Variants in CHCHD3 observed in about 807,000 individuals in gnomAD.
The protein encoded by CHCHD3 is coiled-coil-helix-coiled-coil-helix domain containing 3, also known as MICOS complex subunit MIC19.
A neutral mutation model predicts 38.2 loss-of-function variants in CHCHD3; 20 were observed. The ratio of observed to expected loss-of-function variants is 0.52; its 90% CI spans 0.37 to 0.76. The LOEUF is 0.76. Ranked by LOEUF, CHCHD3 falls within the 30% of genes least tolerant of loss-of-function variation. The pLI is 0.00. For synonymous variants in CHCHD3, 82 were observed against 100.0 expected (o/e 0.82, Z 1.07); for missense variants, 245 against 279.2 (o/e 0.88, Z 0.87).
chr7:132,911,281 G>A (rs1447135336), intron 4 of CHCHD3, among the ~76,000 whole-genome samples: 1 of 152,162 alleles, frequency 6.6e-6, no homozygotes, highest in Non-Finnish European at 1.5e-5. Flanking sequence ...GCCATGAGAT[G>A]ACTGGCCACC....
At chr7:132,894,077 T>C (rs1403988621) in intron 4 of CHCHD3, among the ~76,000 whole-genome samples, 1 of 152,170 alleles carries the variant, frequency 6.6e-6, no homozygotes, top group East Asian at 1.9e-4. Context: ...GTACACAAAT[T>C]TTGAATAGAA....
intron 6 of CHCHD3, among the ~76,000 whole-genome samples, chr7:132,803,417 T>G (rs1034585926): frequency 6.6e-6 from 1 of 152,062 alleles, no homozygotes; most frequent in Non-Finnish European, 1.5e-5. Context: ...GTAAAACAAC[T>G]GTTTAATTAC....
intron 4 of CHCHD3, among the ~76,000 whole-genome samples, chr7:132,906,718 TA>T (rs1009180561): frequency 1.7e-4 from 26 of 151,862 alleles, no homozygotes; most frequent in South Asian, 4.2e-4. Context: ...GGAATATTTG[TA>T]AAAAAAAGAC....
chr7:132,967,593 C>A (rs1208156258), intron 4 of CHCHD3, among the ~76,000 whole-genome samples: 1 of 151,282 alleles, frequency 6.6e-6, no homozygotes, highest in African/African-American at 2.4e-5. Context: ...GAGTTTGAGA[C>A]CAGCCTGGGC....
At chr7:132,872,601 C>A (rs1808793356) in intron 5 of CHCHD3, among the ~76,000 whole-genome samples, 1 of 152,226 alleles carries the variant, frequency 6.6e-6, no homozygotes. Context: ...TATAGCCGTA[C>A]TAATTAACTG....
At chr7:132,797,536 G>C (rs997493277) in intron 6 of CHCHD3, among the ~76,000 whole-genome samples, 8 of 152,106 alleles carry the variant, frequency 5.3e-5, no homozygotes, top group African/African-American at 1.9e-4. Flanking sequence ...AAATTCCAAG[G>C]ACTGTGACTT....
At chr7:132,934,302 C>A (rs1430412865) in intron 4 of CHCHD3, among the ~76,000 whole-genome samples, 1 of 152,190 alleles carries the variant, frequency 6.6e-6, no homozygotes, top group Non-Finnish European at 1.5e-5. Context: ...AACATCCTCT[C>A]ACTGAGTTAC....
intron 1 of CHCHD3, among the ~76,000 whole-genome samples, chr7:133,072,674 C>T (rs1240504837): frequency 6.6e-6 from 1 of 151,962 alleles, no homozygotes; most frequent in Admixed American, 6.6e-5. Context: ...CCCATCTCTA[C>T]TAAAAATACA....
chr7:133,034,806 G>A (rs11545773), intron 2 of CHCHD3: 3 of 1,612,338 alleles, frequency 1.9e-6, no homozygotes, highest in East Asian at 4.5e-5. Context: ...CCAGACTCCA[G>A]AAATGGAGCT....
At chr7:132,996,461 TGAA>T (rs1812419068) in intron 3 of CHCHD3, among the ~76,000 whole-genome samples, 1 of 152,192 alleles carries the variant, frequency 6.6e-6, no homozygotes, top group African/African-American at 2.4e-5. Flanking sequence ...TTACATTCCG[TGAA>T]GAAGCATAAA....
chr7:132,969,630 T>C (rs1417405266), intron 4 of CHCHD3, among the ~76,000 whole-genome samples: 4 of 152,210 alleles, frequency 2.6e-5, no homozygotes, highest in African/African-American at 9.6e-5. Flanking sequence ...GCTAAAATCC[T>C]AGTAATACTA....
At chr7:132,806,403 C>A (rs12113528) in intron 6 of CHCHD3, among the ~76,000 whole-genome samples, 152,321 of 152,324 alleles carry the variant, frequency 1, 76,159 homozygotes, top group Non-Finnish European at 1. Flanking sequence ...GGGACAAGAC[C>A]AAGAGACTGA....
chr7:133,081,778 G>C (rs973148041), intron 1 of CHCHD3, 79 bp downstream of exon 1: 12 of 1,434,096 alleles, frequency 8.4e-6, no homozygotes, highest in Non-Finnish European at 1.2e-5. Context: ...GAGAAACCCA[G>C]GCTGAGCGGG....
At chr7:132,830,128 G>A (rs1221651655) in intron 6 of CHCHD3, among the ~76,000 whole-genome samples, 1 of 152,204 alleles carries the variant, frequency 6.6e-6, no homozygotes, top group African/African-American at 2.4e-5. Flanking sequence ...CTGATTTGAA[G>A]GGCTCCAATT....
chr7:133,070,069 CT>C (rs1814774729), intron 2 of CHCHD3, 72 bp downstream of exon 2: 1 of 1,074,870 alleles, frequency 9.3e-7, no homozygotes, highest in Non-Finnish European at 1.4e-6. Flanking sequence ...TGCTAGAGAA[CT>C]TGACTATTGA....
intron 5 of CHCHD3, among the ~76,000 whole-genome samples, chr7:132,852,314 C>T (rs943220759): frequency 1.3e-5 from 2 of 152,134 alleles, no homozygotes; most frequent in African/African-American, 4.8e-5. Flanking sequence ...GGCTATTGGA[C>T]AGAGAGCTCC....
intron 6 of CHCHD3, among the ~76,000 whole-genome samples, chr7:132,834,650 T>C (rs1389957217): frequency 2.6e-5 from 4 of 152,142 alleles, no homozygotes; most frequent in Admixed American, 2.0e-4. Context: ...TATAGGGCAA[T>C]GATACAGAAA....
Position 133,067,410 on chromosome 7 carries a change from T to C in CHCHD3, c.169+2732A>G, listed in dbSNP as rs1814700469. 1.3e-5 allele frequency among the ~76,000 whole-genome samples: 2 copies of C among 152,228 alleles called. 1 individual carries two copies. Among genetic ancestry groups the C allele is most frequent in the South Asian group, 4.1e-4 (2 of 4,838 alleles). On this transcript the variant is annotated intron_variant, in intron 2 of 7. Transcript: ENST00000262570. ...GAAACAATGGTTATAGCACAGAATA[T>C]TCATAAGCAAAAAGATACACGTCAT...
chr7:133,047,902 A>C (rs1814040546), intron 2 of CHCHD3, among the ~76,000 whole-genome samples: 1 of 152,172 alleles, frequency 6.6e-6, no homozygotes, highest in South Asian at 2.1e-4. Flanking sequence ...AGCCTGACCA[A>C]CATGGAGAAA....
Sources: allele counts gnomAD v4.1 joint callset (sites outside exome capture counted in the v4.1 genomes callset), GRCh38; gene constraint gnomAD v4.1.1; transcripts MANE v1.5; gene names NCBI Gene and HGNC (gene_info 2026-07-23, HGNC 2026-07-21).